Variants in GABRR2 observed in about 807,000 individuals in gnomAD.
GABRR2 encodes gamma-aminobutyric acid type A receptor subunit rho2, also known as gamma-aminobutyric acid receptor subunit rho-2.
A neutral mutation model predicts 47.0 loss-of-function variants in GABRR2; 36 were observed. The ratio of observed to expected loss-of-function variants is 0.77; its 90% CI spans 0.59 to 1.01. The LOEUF is 1.01. Ranked by LOEUF, GABRR2 falls within the 50% of genes least tolerant of loss-of-function variation. The probability of loss-of-function intolerance (pLI) is 0.00; values close to 1 mark genes in which losing one functional copy is unlikely to be tolerated. For missense variants in GABRR2, 587 were observed against 594.6 expected (o/e 0.99, Z 0.13); for synonymous variants, 204 against 227.5 (o/e 0.90, Z 0.93).
At chr6:89,290,126 T>C (rs967355516) in intron 2 of GABRR2, among the ~76,000 whole-genome samples, 3 of 152,162 alleles carry the variant, frequency 2.0e-5, no homozygotes, top group East Asian at 1.9e-4. Flanking sequence ...AAAAACAAAC[T>C]GTAAAATGAT....
chr6:89,271,282 G>A (rs904038415), intron 3 of GABRR2, among the ~76,000 whole-genome samples: 2 of 152,276 alleles, frequency 1.3e-5, no homozygotes, highest in Non-Finnish European at 2.9e-5. Context: ...TGCACTTGCA[G>A]CAGGAACTGA....
In GABRR2 at chr6:89,265,684, G is replaced by A; in HGVS notation, c.818C>T (p.Thr273Ile). ...FFLLQTYFPATLMVMLSWVSF... is the reference protein window; with the variant it reads ...FFLLQTYFPAILMVMLSWVSF... ...CACCCAGGACAGCATGACCATCAGA[G>A]TGGCAGGGAAATATGTTTGGAGCAA... Residue 273 changes from threonine (T) to isoleucine (I), a missense_variant, in exon 7 of 9, where the codon ACT (threonine) becomes ATT (isoleucine). Transcript: ENST00000402938. 6.2e-7 allele frequency: 1 copy of A among 1,614,212 alleles called. No individual in the cohort carries two copies. Among genetic ancestry groups the A allele is most frequent in the Non-Finnish European group, 8.5e-7 (1 of 1,180,034 alleles).
intron 2 of GABRR2, among the ~76,000 whole-genome samples, chr6:89,287,277 C>T (rs1245535243): frequency 6.6e-6 from 1 of 152,242 alleles, no homozygotes; most frequent in Non-Finnish European, 1.5e-5. Flanking sequence ...ATGCAGCACA[C>T]TTGGGTGCTA....
chr6:89,308,967 T>G (rs1263090266), intron 1 of GABRR2, among the ~76,000 whole-genome samples: 1 of 152,050 alleles, frequency 6.6e-6, no homozygotes, highest in African/African-American at 2.4e-5. Context: ...ATAAATCACG[T>G]GACAAAGTAG....
chr6:89,284,492 T>C (rs1285322746), intron 2 of GABRR2, among the ~76,000 whole-genome samples: 1 of 152,110 alleles, frequency 6.6e-6, no homozygotes, highest in East Asian at 1.9e-4. Flanking sequence ...GTGGGCCCAA[T>C]GTAATCACAA....
chr6:89,263,544 A>G (rs1222887744), intron 8 of GABRR2, among the ~76,000 whole-genome samples: 1 of 152,188 alleles, frequency 6.6e-6, no homozygotes, highest in Non-Finnish European at 1.5e-5. Context: ...TATTTTTGAA[A>G]TGGGGTCTTG....
rs545138734 is a variant in GABRR2 at position 89,279,918 on chromosome 6, T to C, written c.221-8196A>G. ...TGACATATAAGATGTTCTCCATAAA[T>C]AGTTACACTGTCTGGCTGTGGTGGC... is the stretch of plus-strand genomic sequence containing the variant. On this transcript the variant is annotated intron_variant, in intron 2 of 8. Coordinates refer to ENST00000402938, the MANE Select transcript of GABRR2 (RefSeq NM_002043.5). Among the ~76,000 whole-genome samples, 10 of 152,210 alleles carry C rather than the reference T, an allele frequency of 6.6e-5. 1 individual carries two copies. In the South Asian group the frequency reaches 2.1e-3, roughly 32 times the overall value.
At chr6:89,302,458 A>T (rs1767472362) in intron 1 of GABRR2, 1 of 605,084 alleles carries the variant, frequency 1.7e-6, no homozygotes, top group Admixed American at 1.9e-5. Flanking sequence ...CAGCCACCTG[A>T]CATTGGCCAC....
At chr6:89,291,169 G>C (rs557888874) in intron 2 of GABRR2, among the ~76,000 whole-genome samples, 2 of 152,194 alleles carry the variant, frequency 1.3e-5, no homozygotes, top group East Asian at 3.9e-4. Flanking sequence ...CCAAGACCTG[G>C]CTCTCTTCCC....
At chr6:89,293,259 A>G (rs7752446) in intron 2 of GABRR2, among the ~76,000 whole-genome samples, 98,174 of 152,032 alleles carry the variant, frequency 0.65, 32,119 homozygotes, top group East Asian at 0.97. Context: ...TTATGGAGAC[A>G]GAAAGTTGAA....
chr6:89,302,835 C>G (rs1311863317), intron 1 of GABRR2: 3 of 1,369,396 alleles, frequency 2.2e-6, no homozygotes, highest in African/African-American at 1.5e-5. Flanking sequence ...TGACATCCCA[C>G]CCCCCAGCCT....
chr6:89,302,997 G>C, intron 1 of GABRR2: 1 of 1,290,614 alleles, frequency 7.7e-7, no homozygotes. Flanking sequence ...CCGAGGCCAA[G>C]AGCAACATGA....
chr6:89,275,150 C>T (rs1774135751), intron 2 of GABRR2, among the ~76,000 whole-genome samples: 1 of 152,144 alleles, frequency 6.6e-6, no homozygotes, highest in African/African-American at 2.4e-5. Context: ...AGGTTCACTC[C>T]AGGAATGCAA....
At chr6:89,308,431 C>T (rs1767610991) in intron 1 of GABRR2, among the ~76,000 whole-genome samples, 1 of 152,142 alleles carries the variant, frequency 6.6e-6, no homozygotes, top group Admixed American at 6.5e-5. Flanking sequence ...CTGTACTGAA[C>T]AGTGCAGCTA....
chr6:89,273,922 C>T (rs141305787), intron 2 of GABRR2, among the ~76,000 whole-genome samples: 361 of 152,358 alleles, frequency 2.4e-3, no homozygotes, highest in Non-Finnish European at 3.7e-3. Flanking sequence ...CTGGATACAG[C>T]AGTCCCAAGA....
At chr6:89,299,999 A>G in intron 1 of GABRR2, 134 bp from the exon 2 acceptor site, 1 of 632,824 alleles carries the variant, frequency 1.6e-6, no homozygotes, top group East Asian at 2.9e-5. Context: ...CCAGGGGAGA[A>G]GGAGGGCTGA....
At chr6:89,313,677 G>A (rs1416954431) in intron 1 of GABRR2, among the ~76,000 whole-genome samples, 1 of 152,160 alleles carries the variant, frequency 6.6e-6, no homozygotes, top group Non-Finnish European at 1.5e-5. Context: ...AGCACTTTGG[G>A]AGGCCAAGGT....
chr6:89,283,624 C>T (rs1774287910), intron 2 of GABRR2, among the ~76,000 whole-genome samples: 1 of 152,042 alleles, frequency 6.6e-6, no homozygotes, highest in Non-Finnish European at 1.5e-5. Flanking sequence ...GATATATATG[C>T]ATATTTCATA....
chr6:89,309,899 T>C (rs1405446655), intron 1 of GABRR2, among the ~76,000 whole-genome samples: 5 of 151,394 alleles, frequency 3.3e-5, no homozygotes, highest in Admixed American at 3.3e-4. Flanking sequence ...CACCTCAGCC[T>C]CCTGAGCAGC....
Sources: gnomAD v4.1 joint callset for allele counts (sites outside exome capture counted in the v4.1 genomes callset) on GRCh38, gnomAD v4.1.1 for gene constraint, MANE v1.5 for transcripts, NCBI Gene and HGNC (gene_info 2026-07-23, HGNC 2026-07-21) for gene names.